The following REV1 variants were observed in gnomAD, a reference collection of about 807,000 sequenced individuals.
The protein encoded by REV1 is REV1 DNA directed polymerase.
Under a neutral mutation model 137.4 loss-of-function variants are expected in REV1, and 42 were observed. That is an observed-to-expected ratio of 0.31 (90% CI 0.24 to 0.40). The LOEUF is 0.40. Among genes scored for constraint, REV1 ranks in the 10% least tolerant of loss-of-function variants. The probability of loss-of-function intolerance (pLI) is 1.00; values close to 1 mark genes in which losing one functional copy is unlikely to be tolerated. For missense variants in REV1, 1,282 were observed against 1,490.1 expected, an observed-to-expected ratio of 0.86 and a Z score of 2.30; for synonymous variants, 524 against 519.2, an observed-to-expected ratio of 1.01 and a Z score of -0.12.
At chr2:99,438,426 A>T in intron 6 of REV1, 175 bp downstream of exon 6, 1 of 573,352 alleles carries the variant, frequency 1.7e-6, no homozygotes, top group Non-Finnish European at 3.0e-6. Context: ...TAATTGTTTT[A>T]AAAATATTTT....
Position 99,402,653 on chromosome 2 carries a change from T to C in REV1, c.3532A>G (p.Thr1178Ala). 1 of 1,613,764 alleles carries C rather than the reference T, an allele frequency of 6.2e-7. No individual in the cohort carries two copies. ...VKTLLREWIT[T>A]ISDPMEEDIL... ...CACAGGCCAAGCCAACCTGAAATTG[T>C]AGTTATCCATTCTCTGAGCAAGGTC... Residue 1178 changes from threonine to alanine, a missense_variant, in exon 21 of 23, where the codon ACA (threonine) becomes GCA (alanine). By Grantham distance (58) the Thr-to-Ala change is moderately conservative (BLOSUM62 0). Coordinates refer to ENST00000258428, the MANE Select transcript of REV1 (RefSeq NM_016316.4).
chr2:99,460,401 G>T (rs1224518812), intron 3 of REV1, among the ~76,000 whole-genome samples: 5 of 152,078 alleles, frequency 3.3e-5, no homozygotes, highest in African/African-American at 1.2e-4. Context: ...CAATAGCAAT[G>T]AGCAAAACTG....
At chr2:99,420,446 A>G (rs1395084119) in intron 11 of REV1, among the ~76,000 whole-genome samples, 2 of 152,102 alleles carry the variant, frequency 1.3e-5, no homozygotes, top group Non-Finnish European at 2.9e-5. Context: ...GAATTACTCA[A>G]ACTAGCCACT....
chr2:99,462,681 GAA>G, intron 2 of REV1, 59 bp from the exon 3 acceptor site: 1 of 1,388,950 alleles, frequency 7.2e-7, no homozygotes, highest in Admixed American at 2.5e-5. Flanking sequence ...CCCCTTTTTT[GAA>G]AAAAAAAAAT....
chr2:99,448,824 T>C (rs1226929817), intron 4 of REV1, among the ~76,000 whole-genome samples: 1 of 152,180 alleles, frequency 6.6e-6, no homozygotes, highest in Non-Finnish European at 1.5e-5. Context: ...CCTGACACTT[T>C]CCTGAGTCAT....
chr2:99,405,786 G>A (rs988768297), intron 17 of REV1, 124 bp downstream of exon 17: 18 of 628,982 alleles, frequency 2.9e-5, no homozygotes, highest in African/African-American at 5.7e-5. Context: ...CAAGTGGCCC[G>A]TTCTCCCTTT....
intron 18 of REV1, 93 bp downstream of exon 18, chr2:99,404,351 A>T: frequency 1.1e-6 from 1 of 948,262 alleles, no homozygotes; most frequent in Non-Finnish European, 1.7e-6. Context: ...GGTGTCAGAT[A>T]CAGAGGAGAA....
intron 9 of REV1, among the ~76,000 whole-genome samples, chr2:99,427,238 A>G (rs1679508477): frequency 6.6e-6 from 1 of 152,220 alleles, no homozygotes; most frequent in Non-Finnish European, 1.5e-5. Context: ...ATACTAAAAT[A>G]CATCCATAAA....
intron 3 of REV1, among the ~76,000 whole-genome samples, chr2:99,458,653 T>A (rs1683801045): frequency 2.6e-5 from 4 of 152,122 alleles, no homozygotes; most frequent in Admixed American, 2.6e-4. Flanking sequence ...CCCTAACAGA[T>A]GAAAGGTTAA....
intron 8 of REV1, chr2:99,431,636 G>C (rs764716464): frequency 2.0e-5 from 15 of 743,028 alleles, no homozygotes; most frequent in Non-Finnish European, 2.5e-5. Context: ...GAAAATAACA[G>C]AAAACTTATG....
chr2:99,468,883 C>A (rs185425989), intron 1 of REV1, among the ~76,000 whole-genome samples: 1 of 152,112 alleles, frequency 6.6e-6, no homozygotes, highest in Non-Finnish European at 1.5e-5. Flanking sequence ...AGACTACACA[C>A]GTGGAAACCC....
intron 12 of REV1, among the ~76,000 whole-genome samples, chr2:99,414,014 G>T (rs899986894): frequency 6.6e-6 from 1 of 152,274 alleles, no homozygotes; most frequent in Middle Eastern, 3.4e-3. Flanking sequence ...AATTAGCTGG[G>T]TGTGGTGGTG....
Position 99,429,897 on chromosome 2 carries a change from T to C in REV1, c.1490A>G (p.Asn497Ser), listed in dbSNP as rs180712764. ...LWENPDSAQA[N>S]GIDSVLSRAE... is the part of the protein sequence containing the mutation. The stretch of plus-strand genomic sequence containing the variant: ...CCTTGACAAAACAGAATCAATTCCA[T>C]TTGCTTGCGCAGAATCTGGATTCTC... Residue 497 changes from asparagine (N) to serine (S), a missense_variant, in exon 9 of 23, where the codon AAT (asparagine) becomes AGT (serine). Coordinates refer to ENST00000258428, the MANE Select transcript of REV1 (RefSeq NM_016316.4). The C allele has an allele frequency of 6.2e-7, 1 of 1,604,634 alleles. No homozygotes were observed. Among genetic ancestry groups the C allele is most frequent in the East Asian group, 2.3e-5 (1 of 44,264 alleles).
chr2:99,403,569 T>A, intron 19 of REV1, 126 bp downstream of exon 19: 1 of 1,152,738 alleles, frequency 8.7e-7, no homozygotes, highest in Non-Finnish European at 1.3e-6. Flanking sequence ...TCAGATATTA[T>A]CCCAATATGA....
chr2:99,484,662 G>A (rs1416082289), intron 1 of REV1, among the ~76,000 whole-genome samples: 3 of 151,598 alleles, frequency 2.0e-5, no homozygotes, highest in Admixed American at 6.6e-5. Flanking sequence ...TATAATACAA[G>A]CATTTAAGTA....
At chr2:99,481,080 A>C (rs1390404540) in intron 1 of REV1, among the ~76,000 whole-genome samples, 1 of 152,234 alleles carries the variant, frequency 6.6e-6, no homozygotes, top group Non-Finnish European at 1.5e-5. Context: ...ACTTTGACTC[A>C]AGTGCTAAAA....
chr2:99,412,595 T>G, intron 13 of REV1, 136 bp downstream of exon 13: 1 of 688,652 alleles, frequency 1.5e-6, no homozygotes, highest in South Asian at 1.9e-5. Flanking sequence ...TTAAAAGGCC[T>G]TCTTAAGGCT....
At chr2:99,481,728 G>A (rs1329007378) in intron 1 of REV1, among the ~76,000 whole-genome samples, 1 of 152,056 alleles carries the variant, frequency 6.6e-6, no homozygotes, top group Non-Finnish European at 1.5e-5. Flanking sequence ...AATTAGCCAG[G>A]TGCGGTGGTG....
intron 20 of REV1, 25 bp from the exon 21 acceptor site, chr2:99,402,825 T>C (rs372367876): frequency 4.9e-5 from 79 of 1,613,722 alleles, no homozygotes; most frequent in Middle Eastern, 1.6e-4. Context: ...AAGGATAAAA[T>C]TGCTATATTC....
Sources: gnomAD v4.1 joint callset for allele counts (sites outside exome capture counted in the v4.1 genomes callset) on GRCh38, gnomAD v4.1.1 for gene constraint, MANE v1.5 for transcripts, NCBI Gene and HGNC (gene_info 2026-07-23, HGNC 2026-07-21) for gene names.